Variants in PCDHGA5 observed in about 807,000 individuals in gnomAD.
PCDHGA5 encodes protocadherin gamma subfamily A, 5, also known as protocadherin gamma-A5.
In PCDHGA5, 36 loss-of-function variants were observed where a neutral mutation model predicts 56.7. The observed-to-expected ratio is 0.64, with a 90% CI of 0.49 to 0.84. The LOEUF (loss-of-function observed/expected upper bound fraction) is 0.84. Among genes scored for constraint, PCDHGA5 ranks in the 40% least tolerant of loss-of-function variants. The pLI is 0.00. For synonymous variants in PCDHGA5, 563 were observed against 520.2 expected, an observed-to-expected ratio of 1.08 and a Z score of -1.12; for missense variants, 1,305 against 1,201.5, an observed-to-expected ratio of 1.09 and a Z score of -1.27.
chr5:141,429,487 C>G (rs2097218311), intron 1 of PCDHGA5, among the ~76,000 whole-genome samples: 1 of 151,822 alleles, frequency 6.6e-6, no homozygotes, highest in Non-Finnish European at 1.5e-5. Flanking sequence ...GTAGCTGAGA[C>G]TACAGTTGCC....
At chr5:141,375,026 T>C in intron 1 of PCDHGA5, 2 of 1,614,030 alleles carry the variant, frequency 1.2e-6, no homozygotes, top group Non-Finnish European at 1.7e-6. Context: ...CTCGAGTTTT[T>C]ATGAGCTGGG....
At chr5:141,414,679 G>A in intron 1 of PCDHGA5, 1 of 1,613,960 alleles carries the variant, frequency 6.2e-7, no homozygotes. Flanking sequence ...CACCATCCAG[G>A]GGGTACCTCT....
intron 1 of PCDHGA5, chr5:141,372,151 A>G: frequency 6.2e-7 from 1 of 1,613,654 alleles, no homozygotes; most frequent in South Asian, 1.1e-5. Flanking sequence ...GAGCCTGGCT[A>G]CCTGGTGACC....
chr5:141,399,991 G>A (rs1226741326), intron 1 of PCDHGA5: 1 of 1,612,422 alleles, frequency 6.2e-7, no homozygotes. Context: ...CACAGGAGAG[G>A]TGCGCACAGC....
intron 1 of PCDHGA5, chr5:141,468,682 C>A (rs377685711): frequency 4.6e-5 from 7 of 151,296 alleles, no homozygotes; most frequent in African/African-American, 1.7e-4. Context: ...CTGGCTAACA[C>A]GGTGAAACCC....
chr5:141,437,719 TA>T (rs1316054877), intron 1 of PCDHGA5, among the ~76,000 whole-genome samples: 1 of 151,332 alleles, frequency 6.6e-6, no homozygotes, highest in African/African-American at 2.4e-5. Context: ...AGTTACCCTC[TA>T]ATGTTACACT....
In PCDHGA5 at chr5:141,511,406, G is replaced by C; in HGVS notation, c.*233G>C. The C allele has an allele frequency of 1.1e-6, 1 of 942,018 alleles. No individual in the cohort carries two copies. The highest frequency in any genetic ancestry group is 1.7e-5 in the African/African-American group (1 of 60,280). The allele number at this position is 942,018 out of a possible 1,614,324, so 58.4% of individuals were successfully genotyped here. ...GCTGGGAACCCCCATCCAATCAACT[G>C]CTGTACCCATGGGGGTAGTGGGGTT... On this transcript the variant is annotated 3_prime_UTR_variant, in exon 4 of 4. Coordinates refer to ENST00000518069, the MANE Select transcript of PCDHGA5 (RefSeq NM_018918.3).
intron 1 of PCDHGA5, chr5:141,471,339 C>G (rs537413312): frequency 2.6e-5 from 4 of 152,366 alleles, no homozygotes; most frequent in Admixed American, 2.6e-4. Context: ...GTATGATCCA[C>G]TGCGCCCGGC....
chr5:141,456,748 A>C (rs1448893002), intron 1 of PCDHGA5, among the ~76,000 whole-genome samples: 1 of 151,852 alleles, frequency 6.6e-6, no homozygotes, highest in Non-Finnish European at 1.5e-5. Context: ...GAGCATCATG[A>C]GGTCAGGAGT....
chr5:141,499,138 G>A (rs765607930), intron 2 of PCDHGA5, among the ~76,000 whole-genome samples: 12 of 152,144 alleles, frequency 7.9e-5, no homozygotes, highest in Non-Finnish European at 1.5e-4. Flanking sequence ...TCCTTTGGGT[G>A]TCTGATCCCA....
At position 141,430,969 on chromosome 5, in the gene PCDHGA5, T is replaced by C. The variant is rs560722324; in HGVS notation, c.2422-63838T>C. The C allele has an allele frequency of 1.5e-4, 246 of 1,613,012 alleles. 3 individuals carry two copies. The South Asian group carries it at 2.6e-3, about 17-fold the overall frequency. The stretch of plus-strand genomic sequence containing the variant: ...GCGGAGTCCGCATCATCCCCAGAGG[T>C]AGGACGCAGCTTTTCGCCCTGAATC... On this transcript the variant is annotated intron_variant, in intron 1 of 3. Transcript: ENST00000518069.
At chr5:141,458,854 T>G (rs2098955098) in intron 1 of PCDHGA5, among the ~76,000 whole-genome samples, 1 of 152,182 alleles carries the variant, frequency 6.6e-6, no homozygotes, top group South Asian at 2.1e-4. Flanking sequence ...CACCTCAGCC[T>G]TCCAAGTAGC....
rs70988800 is a variant in PCDHGA5 at position 141,379,889 on chromosome 5, C to CTTTTTTTTTTTTTTTTTTTTTT, written c.2421+13147_2421+13168dup. On this transcript the variant is annotated intron_variant, in intron 1 of 3. Coordinates refer to ENST00000518069, the MANE Select transcript of PCDHGA5 (RefSeq NM_018918.3). ...CTTATTTTATGGTCTGTGAAAGCCT[C>CTTTTTTTTTTTTTTTTTTTTTT]TTTTTTTTTTTTTTTTTTTTTTTTT... Among the ~76,000 whole-genome samples the CTTTTTTTTTTTTTTTTTTTTTT allele has an allele frequency of 1.7e-3, 88 of 50,830 alleles. 16 individuals carry two copies. The highest frequency in any genetic ancestry group is 2.3e-3 in the Non-Finnish European group (60 of 25,884). 33.3% of individuals were successfully genotyped at this position (50,830 alleles called of 152,430 possible).
chr5:141,421,611 T>C lies in PCDHGA5; in HGVS notation c.2421+54860T>C, dbSNP rs747573417. 6.8e-6 allele frequency: 11 copies of C among 1,613,694 alleles called. No homozygotes were observed. The African/African-American group carries it at 1.3e-4, about 20-fold the overall frequency. On this transcript the variant is annotated intron_variant, in intron 1 of 3. Transcript: ENST00000518069. ...TGGAGGTGGAAATAATAGATATTAA[T>C]GATAACGCCCCCAGCTTCCAGGAGG...
rs769801850 is a variant in PCDHGA5 at position 141,371,052 on chromosome 5, C to G, written c.2421+4301C>G. On this transcript the variant is annotated intron_variant, in intron 1 of 3. Coordinates refer to ENST00000518069, the MANE Select transcript of PCDHGA5 (RefSeq NM_018918.3). The stretch of plus-strand genomic sequence containing the variant: ...CCTCACAGCTGTGGATGGGGGCGAG[C>G]CCTCCAGAAGCTGTACCACCCAGAT... 6.0e-5 allele frequency: 97 copies of G among 1,613,842 alleles called. No individual in the cohort carries two copies. The South Asian group carries it at 1.1e-3, about 18-fold the overall frequency.
In PCDHGA5 at chr5:141,493,664, G is replaced by A. The variant is rs2099749444; in HGVS notation, c.2422-1143G>A. Reference sequence around the variant, plus strand: ...TGGCCATCCCTGTGCCCTTCTCCATGGCAGCCCCAGAATGGTGCTGGTGAC... The same window carrying A: ...TGGCCATCCCTGTGCCCTTCTCCATAGCAGCCCCAGAATGGTGCTGGTGAC... On this transcript the variant is annotated intron_variant, in intron 1 of 3. Coordinates refer to ENST00000518069, the MANE Select transcript of PCDHGA5 (RefSeq NM_018918.3). This position sits in a 1 kb window ranked among gnomAD's most constrained non-coding sequence, Gnocchi z 4.3. Among the ~76,000 whole-genome samples, 1 of 152,136 alleles carries A rather than the reference G, an allele frequency of 6.6e-6. No homozygotes were observed. Among genetic ancestry groups the A allele is most frequent in the Non-Finnish European group, 1.5e-5 (1 of 68,026 alleles).
chr5:141,432,400 G>A lies in PCDHGA5; in HGVS notation c.2422-62407G>A, dbSNP rs139153105. ...ACCCGCCCCTCAGCAGCAACGTGTC[G>A]TTGAGCCTGTTCGTGCTGGACCAGA... On this transcript the variant is annotated intron_variant, in intron 1 of 3. Transcript: ENST00000518069. The surrounding 1 kb of genome is among the most constrained non-coding windows in gnomAD (Gnocchi z 6.0). 5.6e-6 allele frequency: 9 copies of A among 1,614,122 alleles called. No homozygotes were observed. In the East Asian group the frequency reaches 6.7e-5, roughly 12 times the overall value.
intron 3 of PCDHGA5, 46 bp from the exon 4 acceptor site, chr5:141,510,901 A>G: frequency 1.9e-6 from 3 of 1,613,412 alleles, no homozygotes; most frequent in African/African-American, 2.7e-5. Flanking sequence ...GTGACTGTTG[A>G]GGACCCTAAG....
rs1225473275 is a variant in PCDHGA5 at position 141,512,442 on chromosome 5, TC to T, written c.*1271del. ...GGCCCCTGCCCTCCTGAAGCCTCAG[TC>T]CTTCACCTTGCCAGGTGCCGTTTCT... is the stretch of plus-strand genomic sequence containing the variant. On this transcript the variant is annotated 3_prime_UTR_variant, in exon 4 of 4. Transcript: ENST00000518069. 1 of 152,892 alleles carries T rather than the reference TC, an allele frequency of 6.5e-6. No individual in the cohort carries two copies. Among genetic ancestry groups the T allele is most frequent in the African/African-American group, 2.4e-5 (1 of 41,466 alleles). 9.5% of individuals were successfully genotyped at this position (152,892 alleles called of 1,614,324 possible).
Sources: gnomAD v4.1 joint callset for allele counts (sites outside exome capture counted in the v4.1 genomes callset) on GRCh38, gnomAD v4.1.1 for gene constraint, Gnocchi (gnomAD v3.1) non-coding constraint, MANE v1.5 for transcripts, NCBI Gene and HGNC (gene_info 2026-07-23, HGNC 2026-07-21) for gene names.